FERMT3: variants seen among roughly 807,000 people sequenced by gnomAD.
FERMT3 encodes FERM domain containing kindlin 3, also known as fermitin family homolog 3.
Under a neutral mutation model 80.8 loss-of-function variants are expected in FERMT3, and 33 were observed. The observed-to-expected ratio is 0.41, with a 90% confidence interval of 0.31 to 0.55. The LOEUF is 0.55. Among genes scored for constraint, FERMT3 ranks in the 20% least tolerant of loss-of-function variants. The probability of loss-of-function intolerance (pLI) is 0.31; values close to 1 mark genes in which losing one functional copy is unlikely to be tolerated. For synonymous variants in FERMT3, 375 were observed against 372.2 expected, an observed-to-expected ratio of 1.01 and a Z score of -0.09; for missense variants, 754 against 908.7, an observed-to-expected ratio of 0.83 and a Z score of 2.19.
Position 64,211,478 on chromosome 11 carries a change from TCCCCCACC to T in FERMT3, c.683+37_683+44del, listed in dbSNP as rs1239508720. 6.5e-7 allele frequency: 1 copy of T among 1,549,984 alleles called. No individual in the cohort carries two copies. The highest frequency in any genetic ancestry group is 8.7e-7 in the Non-Finnish European group (1 of 1,152,766). ...GGAGCCACGCCCCCTGTGTCAGGGCTCCCCCACCCAGGATCCACCCCCTGTCCCGTGTC... is the reference window on the plus strand; with the variant it reads ...GGAGCCACGCCCCCTGTGTCAGGGCTCAGGATCCACCCCCTGTCCCGTGTC... On this transcript the variant is annotated intron_variant, in intron 5 of 14. Coordinates refer to ENST00000345728, the MANE Select transcript of FERMT3 (RefSeq NM_031471.6). This position sits in a 1 kb window ranked among gnomAD's most constrained non-coding sequence, Gnocchi z 4.7.
chr11:64,216,295 C>G (rs996822574), intron 6 of FERMT3, among the ~76,000 whole-genome samples: 1 of 150,494 alleles, frequency 6.6e-6, no homozygotes, highest in Non-Finnish European at 1.5e-5. Flanking sequence ...CCCCCTGGTT[C>G]AAGCCATTCT....
chr11:64,213,160 A>G (rs1460747860), intron 6 of FERMT3, among the ~76,000 whole-genome samples: 2 of 151,732 alleles, frequency 1.3e-5, no homozygotes, highest in Admixed American at 6.6e-5. Flanking sequence ...GGTTCAAGCA[A>G]TTCTCCTGGG....
At chr11:64,220,948 G>A (rs1457306838) in intron 12 of FERMT3, 68 bp from the exon 13 acceptor site, 4 of 1,584,376 alleles carry the variant, frequency 2.5e-6, no homozygotes, top group Admixed American at 3.4e-5. Flanking sequence ...TGATGGGGAG[G>A]TGGGGGCTCG....
intron 12 of FERMT3, 83 bp downstream of exon 12, chr11:64,220,752 A>G (rs1946663711): frequency 7.2e-7 from 1 of 1,389,862 alleles, no homozygotes; most frequent in African/African-American, 1.4e-5. Flanking sequence ...AGCCTTCCTC[A>G]GGAAAGCTAC....
In FERMT3 at chr11:64,223,658, C is replaced by A; in HGVS notation, c.*166C>A. The A allele has an allele frequency of 1.1e-6, 1 of 901,424 alleles. No individual in the cohort carries two copies. Among genetic ancestry groups the A allele is most frequent in the Non-Finnish European group, 1.7e-6 (1 of 585,962 alleles). 55.8% of individuals were successfully genotyped at this position (901,424 alleles called of 1,614,324 possible). A position where few individuals can be genotyped will look rare whatever the true frequency, so the allele number is the denominator to read the frequency against. The stretch of plus-strand genomic sequence containing the variant: ...AGGCCAAGGACCTGGCAGGGCCAGA[C>A]GCTGTACCATCACCCAGGCCAGGGA... On this transcript the variant is annotated 3_prime_UTR_variant, in exon 15 of 15. Transcript: ENST00000345728.
At chr11:64,220,804 G>A (rs540682321) in intron 12 of FERMT3, 135 bp downstream of exon 12, 48 of 1,262,274 alleles carry the variant, frequency 3.8e-5, no homozygotes, top group African/African-American at 2.4e-4. Flanking sequence ...GAGATTGTGC[G>A]GCTGGTACCC....
Position 64,207,475 on chromosome 11 carries a change from T to C in FERMT3, c.111T>C (p.Thr37=), listed in dbSNP as rs368232843. Residue 37 remains threonine (T), a synonymous_variant, in exon 2 of 15, where the codon ACT becomes ACC. Coordinates refer to ENST00000345728, the MANE Select transcript of FERMT3 (RefSeq NM_031471.6). The part of the protein sequence containing the change: ...PEAESVTLRV[T]GESHIGGVLL... Reference sequence around the variant, plus strand: ...CCGAGTCGGTCACCCTGCGGGTCACTGGGGAGTCGCACATCGGCGGGGTGC... The same window carrying C: ...CCGAGTCGGTCACCCTGCGGGTCACCGGGGAGTCGCACATCGGCGGGGTGC... 4.0e-5 allele frequency: 65 copies of C among 1,613,788 alleles called. No individual in the cohort carries two copies. Among genetic ancestry groups the C allele is most frequent in the Non-Finnish European group, 5.5e-5 (65 of 1,179,906 alleles).
chr11:64,210,521 C>G lies in FERMT3; in HGVS notation c.161-90C>G. 1 of 1,341,982 alleles carries G rather than the reference C, an allele frequency of 7.5e-7. No individual in the cohort carries two copies. The highest frequency in any genetic ancestry group is 2.3e-5 in the East Asian group (1 of 43,270). The allele number at this position is 1,341,982 out of a possible 1,614,324, so 83.1% of individuals were successfully genotyped here. ...GGCTTAGGCAGGGCAGGGGAGTGGT[C>G]GCCCCAGGCTTCTGAATCCTGGGGT... On this transcript the variant is annotated intron_variant, in intron 2 of 14. Coordinates refer to ENST00000345728, the MANE Select transcript of FERMT3 (RefSeq NM_031471.6). The surrounding 1 kb of genome is among the most constrained non-coding windows in gnomAD (Gnocchi z 4.3).
chr11:64,212,055 G>A (rs148534465), intron 6 of FERMT3, among the ~76,000 whole-genome samples: 2 of 152,358 alleles, frequency 1.3e-5, no homozygotes, highest in African/African-American at 4.8e-5. Context: ...GACAGTGTGT[G>A]TGTGGGTGCC....
At chr11:64,220,737 CA>C in intron 12 of FERMT3, 68 bp downstream of exon 12, 3 of 1,436,246 alleles carry the variant, frequency 2.1e-6, no homozygotes, top group Non-Finnish European at 2.9e-6. Context: ...CCTGGGTCTC[CA>C]CAGAGCCTTC....
Position 64,210,900 on chromosome 11 carries a change from C to T in FERMT3, c.394+56C>T. The T allele has an allele frequency of 6.2e-7, 1 of 1,608,548 alleles. No homozygotes were observed. The highest frequency in any genetic ancestry group is 8.5e-7 in the Non-Finnish European group (1 of 1,178,890). On this transcript the variant is annotated intron_variant, in intron 3 of 14. Coordinates refer to ENST00000345728, the MANE Select transcript of FERMT3 (RefSeq NM_031471.6). This position sits in a 1 kb window ranked among gnomAD's most constrained non-coding sequence, Gnocchi z 4.3. ...CGAGGGTGATGCAAAGAGGCAGGTT[C>T]CCCCGTTTCCAGGCCCAGCTCTGTT...
chr11:64,218,533 G>A (rs1284109883), intron 6 of FERMT3, among the ~76,000 whole-genome samples: 2 of 150,124 alleles, frequency 1.3e-5, no homozygotes, highest in African/African-American at 4.9e-5. Context: ...TGAAACTCCT[G>A]GGCTCAAGCT....
In FERMT3 at chr11:64,219,206, G is replaced by A. The variant is rs1439611634; in HGVS notation, c.787-45G>A. ...CAGTGCAGGGCGTCCAGGGCAGCTG[G>A]CATCTGACCAGCCCAGCCTCCAGCC... On this transcript the variant is annotated intron_variant, in intron 6 of 14. Transcript: ENST00000345728. The surrounding 1 kb of genome is among the most constrained non-coding windows in gnomAD (Gnocchi z 4.0). 3 of 1,531,816 alleles carry A rather than the reference G, an allele frequency of 2.0e-6. No homozygotes were observed. Among genetic ancestry groups the A allele is most frequent in the South Asian group, 1.2e-5 (1 of 83,964 alleles). The allele number at this position is 1,531,816 out of a possible 1,614,324, so 94.9% of individuals were successfully genotyped here. A position where few individuals can be genotyped will look rare whatever the true frequency, so the allele number is the denominator to read the frequency against.
At chr11:64,221,898 C>T (rs181590613) in intron 13 of FERMT3, among the ~76,000 whole-genome samples, 610 of 137,168 alleles carry the variant, frequency 4.4e-3, no homozygotes, top group Admixed American at 7.9e-3. Flanking sequence ...CTGCACTCCA[C>T]GCTGGGTGAC....
intron 13 of FERMT3, among the ~76,000 whole-genome samples, chr11:64,221,646 G>A (rs1011702011): frequency 3.3e-5 from 5 of 151,134 alleles, no homozygotes; most frequent in Admixed American, 1.3e-4. Flanking sequence ...TAAATAGGCT[G>A]GGCCAAGCAT....
intron 6 of FERMT3, among the ~76,000 whole-genome samples, chr11:64,217,910 G>A (rs1946584652): frequency 6.6e-6 from 1 of 152,150 alleles, no homozygotes; most frequent in Non-Finnish European, 1.5e-5. Context: ...CCAGACAGGA[G>A]AGGGACAAGG....
At position 64,219,882 on chromosome 11, in the gene FERMT3, C is replaced by T. The variant is rs1027548745; in HGVS notation, c.1080-9C>T. 3 of 1,613,914 alleles carry T rather than the reference C, an allele frequency of 1.9e-6. No individual in the cohort carries two copies. Among genetic ancestry groups the T allele is most frequent in the Non-Finnish European group, 8.5e-7 (1 of 1,179,998 alleles). On this transcript the variant is annotated splice_polypyrimidine_tract_variant and intron_variant, in intron 9 of 14. Transcript: ENST00000345728. The surrounding 1 kb of genome is among the most constrained non-coding windows in gnomAD (Gnocchi z 4.0). ...GGCGGCCTTTCACAAACCCCAGCAT[C>T]CCACGAAGGCCCCGGAAGCTGACCC...
chr11:64,211,218 GC>G lies in FERMT3; in HGVS notation c.514+50del. On this transcript the variant is annotated intron_variant, in intron 4 of 14. Coordinates refer to ENST00000345728, the MANE Select transcript of FERMT3 (RefSeq NM_031471.6). The surrounding 1 kb of genome is among the most constrained non-coding windows in gnomAD (Gnocchi z 4.7). ...CCTGGGGGGTTGGGGGCAGGGGCCG[GC>G]CCGTGAGTCCCAGCCCTGGGGGACA... The G allele has an allele frequency of 1.9e-6, 3 of 1,603,136 alleles. No individual in the cohort carries two copies. Among genetic ancestry groups the G allele is most frequent in the Non-Finnish European group, 2.6e-6 (3 of 1,175,854 alleles).
intron 6 of FERMT3, among the ~76,000 whole-genome samples, chr11:64,215,992 C>G (rs1320508349): frequency 6.6e-6 from 1 of 151,754 alleles, no homozygotes; most frequent in Non-Finnish European, 1.5e-5. Context: ...CCACCACACC[C>G]AACTAATTTT....
Sources: allele counts gnomAD v4.1 joint callset (sites outside exome capture counted in the v4.1 genomes callset), GRCh38; gene constraint gnomAD v4.1.1; non-coding constraint Gnocchi (gnomAD v3.1); transcripts MANE v1.5; gene names NCBI Gene and HGNC (gene_info 2026-07-23, HGNC 2026-07-21).